Variants in LTBP1 observed in about 807,000 individuals in gnomAD.
LTBP1 encodes the protein latent-transforming growth factor beta-binding protein 1.
Under a neutral mutation model 207.6 loss-of-function variants are expected in LTBP1, and 129 were observed. The observed-to-expected ratio is 0.62, with a 90% CI of 0.54 to 0.72. LTBP1 has a LOEUF of 0.72. Ranked by LOEUF, LTBP1 falls within the 30% of genes least tolerant of loss-of-function variation. LTBP1 has a pLI of 0.00. For synonymous variants in LTBP1, 963 were observed against 833.7 expected, an observed-to-expected ratio of 1.16 and a Z score of -2.67; for missense variants, 2,281 against 2,217.2, an observed-to-expected ratio of 1.03 and a Z score of -0.58.
chr2:33,322,736 T>C (rs1170611346), intron 24 of LTBP1, among the ~76,000 whole-genome samples: 1 of 152,228 alleles, frequency 6.6e-6, no homozygotes, highest in African/African-American at 2.4e-5. Flanking sequence ...GCATTTATTA[T>C]ACGAATGAGA....
chr2:32,973,275 G>T lies in LTBP1; in HGVS notation c.565+24330G>T, dbSNP rs538865567. 1.5e-3 allele frequency among the ~76,000 whole-genome samples: 228 copies of T among 152,010 alleles called. 1 individual carries two copies. The highest frequency in any genetic ancestry group is 5.2e-3 in the African/African-American group (217 of 41,428). On this transcript the variant is annotated intron_variant, in intron 2 of 33. Transcript: ENST00000404816. ...TTGCTATTATTGTGTCATTATCTAA[G>T]TCTCTTTGTAGGTCTCCAATAACTT... is the stretch of plus-strand genomic sequence containing the variant.
intron 3 of LTBP1, among the ~76,000 whole-genome samples, chr2:33,108,289 C>T (rs115830727): frequency 0.018 from 2,728 of 150,314 alleles, 77 homozygotes; most frequent in African/African-American, 0.059. Flanking sequence ...TGGGGGGAAG[C>T]GGGAGAAGGT....
At chr2:33,191,129 G>A (rs924604481) in intron 7 of LTBP1, among the ~76,000 whole-genome samples, 3 of 152,170 alleles carry the variant, frequency 2.0e-5, no homozygotes, top group Non-Finnish European at 2.9e-5. Context: ...TGTGTGCCCA[G>A]TACCTTTCTC....
Position 32,948,934 on chromosome 2 carries a change from G to A in LTBP1, c.554G>A (p.Arg185Lys), listed in dbSNP as rs1191865315. 2 of 1,614,170 alleles carry A rather than the reference G, an allele frequency of 1.2e-6. No homozygotes were observed. The highest frequency in any genetic ancestry group is 2.2e-5 in the East Asian group (1 of 44,884). Residue 185 changes from arginine to lysine, a missense_variant, in exon 2 of 34, where the codon AGG becomes AAG. Arg to Lys is a conservative substitution (Grantham distance 26). This residue lies in a region of LTBP1 where 555 missense variants were observed against 491.0 expected (regional missense o/e 1.13). Coordinates refer to ENST00000404816, the MANE Select transcript of LTBP1 (RefSeq NM_206943.4). ...HGWSKAPGSQ[R>K]CTKPSCVPPC... is the part of the protein sequence containing the mutation. ...TGGAGTAAGGCCCCTGGCTCCCAGAGGTGCACCAAACGTAAGTTGCCATGT... is the reference window on the plus strand; with the variant it reads ...TGGAGTAAGGCCCCTGGCTCCCAGAAGTGCACCAAACGTAAGTTGCCATGT...
intron 2 of LTBP1, among the ~76,000 whole-genome samples, chr2:33,018,152 GTTTTT>G (rs56791136): frequency 6.8e-6 from 1 of 146,004 alleles, no homozygotes; most frequent in Non-Finnish European, 1.5e-5. Context: ...TAAGTTCAAA[GTTTTT>G]TTTTTTTAAC....
At chr2:32,994,923 C>T (rs2148898446) in intron 2 of LTBP1, among the ~76,000 whole-genome samples, 1 of 152,290 alleles carries the variant, frequency 6.6e-6, no homozygotes, top group South Asian at 2.1e-4. Flanking sequence ...GGCTTGGTGG[C>T]TTATGCCTAT....
chr2:33,066,537 A>G (rs1402834755), intron 3 of LTBP1, among the ~76,000 whole-genome samples: 1 of 152,202 alleles, frequency 6.6e-6, no homozygotes, highest in East Asian at 1.9e-4. Context: ...TAAAAGGCAT[A>G]GTGGAGTATG....
At chr2:32,971,157 C>T (rs769758618) in intron 2 of LTBP1, among the ~76,000 whole-genome samples, 6 of 151,804 alleles carry the variant, frequency 4.0e-5, no homozygotes, top group East Asian at 3.9e-4. Context: ...CCTGAAACTT[C>T]GTTGAAGTTA....
rs547984041 is a variant in LTBP1, at chr2:33,221,949, T to C, written c.1805-131T>C. The C allele has an allele frequency of 1.0e-3, 612 of 584,804 alleles. 11 individuals are homozygous for C. In the South Asian group the frequency reaches 0.013, roughly 13 times the overall value. 36.2% of individuals were successfully genotyped at this position (584,804 alleles called of 1,614,324 possible). On this transcript the variant is annotated intron_variant, in intron 8 of 33. Coordinates refer to ENST00000404816, the MANE Select transcript of LTBP1 (RefSeq NM_206943.4). Reference sequence around the variant, plus strand: ...GGAAAAAAATTATGGAGATATACATTGGTATTGGTTTCTTATATTAATAAA... The same window carrying C: ...GGAAAAAAATTATGGAGATATACATCGGTATTGGTTTCTTATATTAATAAA...
chr2:33,259,635 C>CT (rs201879755), intron 13 of LTBP1, 25 bp downstream of exon 13: 1,005 of 1,559,936 alleles, frequency 6.4e-4, no homozygotes, highest in South Asian at 1.4e-3. Context: ...GCTTGCAAGT[C>CT]TTTTTTTTTC....
chr2:33,338,303 G>T (rs2094576191), intron 24 of LTBP1, among the ~76,000 whole-genome samples: 1 of 152,160 alleles, frequency 6.6e-6, no homozygotes, highest in African/African-American at 2.4e-5. Flanking sequence ...CTTGGGGCTT[G>T]TTCACCTTCA....
intron 32 of LTBP1, 150 bp from the exon 33 acceptor site, chr2:33,396,983 C>G: frequency 1.6e-6 from 1 of 626,778 alleles, no homozygotes; most frequent in Non-Finnish European, 2.6e-6. Flanking sequence ...CAGCAACATT[C>G]AGTATTTCTA....
chr2:33,256,374 T>A (rs2092851333), intron 11 of LTBP1, among the ~76,000 whole-genome samples: 1 of 152,060 alleles, frequency 6.6e-6, no homozygotes, highest in Non-Finnish European at 1.5e-5. Context: ...GTAATCTACA[T>A]CCTCTTAACC....
chr2:33,353,857 C>T (rs1002574720), intron 26 of LTBP1, among the ~76,000 whole-genome samples: 6 of 140,536 alleles, frequency 4.3e-5, no homozygotes, highest in East Asian at 2.1e-4. Context: ...TGTGCATGTA[C>T]GCCTTTTTTT....
chr2:33,263,291 T>C lies in LTBP1; in HGVS notation c.2519-3T>C. The C allele has an allele frequency of 1.9e-6, 3 of 1,587,514 alleles. No homozygotes were observed. Among genetic ancestry groups the C allele is most frequent in the Non-Finnish European group, 2.6e-6 (3 of 1,155,810 alleles). On this transcript the variant is annotated splice_polypyrimidine_tract_variant and splice_region_variant and intron_variant, in intron 14 of 33. Transcript: ENST00000404816. Reference sequence around the variant, plus strand: ...TCTTTTTATCCTCTGCTTCCTCATATAGTAGTGATTGAAAAAACATCACCT... The same window carrying C: ...TCTTTTTATCCTCTGCTTCCTCATACAGTAGTGATTGAAAAAACATCACCT...
intron 3 of LTBP1, among the ~76,000 whole-genome samples, chr2:33,036,200 G>A (rs1382961401): frequency 2.6e-5 from 4 of 152,122 alleles, no homozygotes; most frequent in Non-Finnish European, 4.4e-5. Flanking sequence ...GGCTTGTTGG[G>A]CCCCACCTCA....
chr2:33,191,242 GA>G (rs1477805536), intron 7 of LTBP1, among the ~76,000 whole-genome samples: 1 of 152,180 alleles, frequency 6.6e-6, no homozygotes, highest in Admixed American at 6.5e-5. Context: ...AAGAAAAGAT[GA>G]AAAGATACTA....
chr2:33,092,673 A>G (rs1425459000), intron 3 of LTBP1, among the ~76,000 whole-genome samples: 1 of 152,136 alleles, frequency 6.6e-6, no homozygotes, highest in African/African-American at 2.4e-5. Context: ...AACATCAGTA[A>G]TTTATCTTCA....
At chr2:33,310,243 G>C (rs1356444993) in intron 23 of LTBP1, among the ~76,000 whole-genome samples, 5 of 152,116 alleles carry the variant, frequency 3.3e-5, no homozygotes, top group African/African-American at 1.2e-4. Context: ...ACTGCACCTG[G>C]CTCACCATTG....
Sources: allele counts gnomAD v4.1 joint callset (sites outside exome capture counted in the v4.1 genomes callset), GRCh38; gene constraint gnomAD v4.1.1; regional missense constraint gnomAD v4.1.1; transcripts MANE v1.5; gene names NCBI Gene and HGNC (gene_info 2026-07-23, HGNC 2026-07-21).